Variants in ALLC observed in about 807,000 individuals in gnomAD.
The protein encoded by ALLC is probable inactive allantoicase.
In ALLC, 40 loss-of-function variants were observed where a neutral mutation model predicts 45.0. The ratio of observed to expected loss-of-function variants is 0.89; its 90% CI spans 0.69 to 1.16. The LOEUF (loss-of-function observed/expected upper bound fraction) is 1.16. Among genes scored for constraint, ALLC ranks in the 50% most tolerant of loss-of-function variants. The pLI, the probability that ALLC is intolerant of heterozygous loss-of-function variation, is 0.00. For synonymous variants in ALLC, 176 were observed against 178.1 expected (o/e 0.99, Z 0.09); for missense variants, 488 against 493.1 (o/e 0.99, Z 0.10).
Position 3,671,169 on chromosome 2 carries a change from A to G in ALLC, c.12A>G (p.Ala4=), listed in dbSNP as rs975746309. Residue 4 remains alanine, a synonymous_variant, in exon 2 of 12, where the codon GCA becomes GCG. Transcript: ENST00000252505. ...ACTTCACCCAGCTGATGGACATGGC[A>G]TCTGAATCCGTAGGAGGAAAAGTAA... is the stretch of plus-strand genomic sequence containing the variant. MDM[A]SESVGGKILF... 6.2e-7 allele frequency: 1 copy of G among 1,611,844 alleles called. No individual in the cohort carries two copies.
intron 9 of ALLC, 71 bp downstream of exon 9, chr2:3,696,419 TAAAC>T: frequency 1.5e-6 from 2 of 1,351,016 alleles, no homozygotes; most frequent in Non-Finnish European, 2.0e-6. Context: ...TTCTTTTAAA[TAAAC>T]TTTTGCACAT....
intron 2 of ALLC, among the ~76,000 whole-genome samples, chr2:3,672,688 GT>G (rs1260560901): frequency 2.0e-5 from 3 of 147,040 alleles, no homozygotes; most frequent in African/African-American, 7.8e-5. Context: ...TCTGGCTCTG[GT>G]TAGATCGGAA....
chr2:3,649,274 C>G, the ALLC span, among the ~76,000 whole-genome samples: 1 of 150,144 alleles, frequency 6.7e-6, no homozygotes, highest in Non-Finnish European at 1.5e-5. Context: ...CGGAGTCTCG[C>G]TCTATTGCCC....
rs1473385954 is a variant in ALLC, at chr2:3,680,190, A to T, written c.298+196A>T. 6.6e-6 allele frequency among the ~76,000 whole-genome samples: 1 copy of T among 152,136 alleles called. No homozygotes were observed. The highest frequency in any genetic ancestry group is 2.4e-5 in the African/African-American group (1 of 41,412). ...CTCTGTGGTTTTTGATTTGTGGCTT[A>T]ATAGTGTTAACAGCCAGATATAGAT... On this transcript the variant is annotated intron_variant, in intron 5 of 11. Transcript: ENST00000252505. The surrounding 1 kb of genome is among the most constrained non-coding windows in gnomAD (Gnocchi z 4.0).
At chr2:3,675,609 C>T (rs1667002632) in intron 3 of ALLC, among the ~76,000 whole-genome samples, 1 of 152,024 alleles carries the variant, frequency 6.6e-6, no homozygotes, top group South Asian at 2.1e-4. Flanking sequence ...TACACACACA[C>T]ACATATAAAC....
chr2:3,648,248 A>G, the ALLC span, among the ~76,000 whole-genome samples: 5 of 152,182 alleles, frequency 3.3e-5, no homozygotes, highest in African/African-American at 4.8e-5. Context: ...AGTCTTATTC[A>G]TTATGTGGAG....
chr2:3,663,216 C>T (rs13032633), intron 1 of ALLC, among the ~76,000 whole-genome samples: 26,896 of 152,018 alleles, frequency 0.18, 2,536 homozygotes, highest in Middle Eastern at 0.23. Flanking sequence ...AAACATGGTG[C>T]GTATATACCA....
the ALLC span, among the ~76,000 whole-genome samples, chr2:3,651,437 G>A: frequency 1.7e-5 from 1 of 57,844 alleles, no homozygotes; most frequent in African/African-American, 5.5e-5. Context: ...GTGTGTGTGT[G>A]TGTGTTAGGA....
upstream of ALLC, among the ~76,000 whole-genome samples, chr2:3,654,330 G>A (rs1256551707): frequency 1.3e-5 from 2 of 152,244 alleles, no homozygotes; most frequent in East Asian, 1.9e-4. Context: ...TCCCCCACAC[G>A]GGAGGAAAAG....
intron 7 of ALLC, among the ~76,000 whole-genome samples, chr2:3,687,157 T>C (rs1558544403): frequency 6.6e-6 from 1 of 150,934 alleles, no homozygotes; most frequent in Non-Finnish European, 1.5e-5. Context: ...TGAAGTGACG[T>C]TAAATTTTAT....
chr2:3,699,816 T>G (rs569692443), intron 10 of ALLC, among the ~76,000 whole-genome samples: 83 of 152,340 alleles, frequency 5.4e-4, no homozygotes, highest in African/African-American at 2.0e-3. Context: ...AAGCATTTGT[T>G]TATGTCCTTG....
At chr2:3,646,069 A>G in the ALLC span, among the ~76,000 whole-genome samples, 1 of 152,084 alleles carries the variant, frequency 6.6e-6, no homozygotes, top group Non-Finnish European at 1.5e-5. Flanking sequence ...AGCCTTGGAA[A>G]ATAGAGTGTC....
chr2:3,677,948 TGAA>T (rs2148004488), intron 3 of ALLC, among the ~76,000 whole-genome samples: 1 of 152,358 alleles, frequency 6.6e-6, no homozygotes, highest in African/African-American at 2.4e-5. Context: ...TTCTGGAAGA[TGAA>T]GAAGTGTGCT....
chr2:3,662,421 G>T (rs933746765), intron 1 of ALLC, among the ~76,000 whole-genome samples: 1 of 152,204 alleles, frequency 6.6e-6, no homozygotes, highest in Non-Finnish European at 1.5e-5. Context: ...TCACCACAGG[G>T]CGGAAGTGTT....
the ALLC span, among the ~76,000 whole-genome samples, chr2:3,646,034 C>T: frequency 2.2e-4 from 33 of 152,222 alleles, no homozygotes; most frequent in African/African-American, 5.5e-4. Flanking sequence ...GTCTCCCCAC[C>T]GGAGAAAAGG....
At chr2:3,648,071 AGCAGCGCCAGGGAGCCCG>A in the ALLC span, among the ~76,000 whole-genome samples, 4 of 152,172 alleles carry the variant, frequency 2.6e-5, no homozygotes, top group South Asian at 8.3e-4. Context: ...TCCTGGGGAC[AGCAGCGCCAGGGAGCCCG>A]GCAGCCCTGG....
chr2:3,695,215 C>T (rs1044487194), intron 7 of ALLC: 1 of 155,630 alleles, frequency 6.4e-6, no homozygotes, highest in African/African-American at 2.4e-5. Context: ...TGTGCCCAGA[C>T]CTCTTCTAGG....
At chr2:3,649,963 C>T in the ALLC span, among the ~76,000 whole-genome samples, 5 of 152,250 alleles carry the variant, frequency 3.3e-5, no homozygotes, top group Non-Finnish European at 5.9e-5. Flanking sequence ...GTAGCTTCCC[C>T]AGCTACAGCT....
intron 7 of ALLC, among the ~76,000 whole-genome samples, chr2:3,693,249 C>A (rs1319993830): frequency 2.6e-5 from 4 of 152,216 alleles, no homozygotes; most frequent in African/African-American, 9.6e-5. Flanking sequence ...AACAGGACAG[C>A]AAAGCTCTCC....
Sources: allele counts gnomAD v4.1 joint callset (sites outside exome capture counted in the v4.1 genomes callset), GRCh38; gene constraint gnomAD v4.1.1; non-coding constraint Gnocchi (gnomAD v3.1); transcripts MANE v1.5; gene names NCBI Gene and HGNC (gene_info 2026-07-23, HGNC 2026-07-21).